LMO7: variants seen among roughly 807,000 people sequenced by gnomAD.
LMO7 encodes the protein LIM domain 7.
In LMO7, 120 loss-of-function variants were observed where a neutral mutation model predicts 206.5. That is an observed-to-expected ratio of 0.58 (90% CI 0.50 to 0.68). The LOEUF (loss-of-function observed/expected upper bound fraction) is 0.68. Among genes scored for constraint, LMO7 ranks in the 30% least tolerant of loss-of-function variants. The pLI is 0.00. For synonymous variants in LMO7, 706 were observed against 681.5 expected, an observed-to-expected ratio of 1.04 and a Z score of -0.56; for missense variants, 1,959 against 1,957.9, an observed-to-expected ratio of 1.00 and a Z score of -0.01.
In LMO7 at chr13:75,667,061, A is replaced by T. The variant is rs572758939; in HGVS notation, c.69+30335A>T. ...CAGTGATATTATAAATGGAGTGGAC[A>T]TTTTTTTTTCTTTGAGCAGTGGTTA... On this transcript the variant is annotated intron_variant, in intron 1 of 30. Coordinates refer to ENST00000377534, the MANE Select transcript of LMO7 (RefSeq NM_001306080.2). Among the ~76,000 whole-genome samples the T allele has an allele frequency of 1.5e-4, 23 of 151,498 alleles. No homozygotes were observed. The South Asian group carries it at 4.8e-3, about 32-fold the overall frequency.
intron 8 of LMO7, chr13:75,805,232 A>T (rs756817907): frequency 1.7e-6 from 2 of 1,163,440 alleles, no homozygotes; most frequent in Non-Finnish European, 2.2e-6. Flanking sequence ...ATTGTTTGTT[A>T]TGTGCCTCTT....
At chr13:75,754,352 G>T (rs1362669178) in intron 3 of LMO7, among the ~76,000 whole-genome samples, 1 of 152,072 alleles carries the variant, frequency 6.6e-6, no homozygotes, top group African/African-American at 2.4e-5. Context: ...CCTTTTTATG[G>T]CTGAGTGCTA....
At chr13:75,802,170 A>G (rs2054835592) in intron 7 of LMO7, among the ~76,000 whole-genome samples, 1 of 152,226 alleles carries the variant, frequency 6.6e-6, no homozygotes. Context: ...CCAATCAACA[A>G]TTTATTAAGC....
chr13:75,732,131 C>T lies in LMO7; in HGVS notation c.210+5033C>T, dbSNP rs527753541. Among the ~76,000 whole-genome samples the T allele has an allele frequency of 2.7e-3, 412 of 152,154 alleles. 3 individuals carry two copies. The highest frequency in any genetic ancestry group is 9.7e-3 in the African/African-American group (402 of 41,496). ...GAGTTGCTCTTCTCGAGGAGTATCT[C>T]TGTGGCGTCCTCTGTATTTCCTGAA... On this transcript the variant is annotated intron_variant, in intron 3 of 30. Coordinates refer to ENST00000377534, the MANE Select transcript of LMO7 (RefSeq NM_001306080.2).
At chr13:75,755,641 T>A (rs141441276) in intron 3 of LMO7, among the ~76,000 whole-genome samples, 34 of 152,322 alleles carry the variant, frequency 2.2e-4, no homozygotes, top group African/African-American at 6.7e-4. Context: ...AACTTACTAC[T>A]AGCTGGGCAT....
Position 75,841,743 on chromosome 13 carries a change from G to A in LMO7, c.3791G>A (p.Arg1264Gln), listed in dbSNP as rs775620229. ...AAGTCTTCAGACAGAGAAGGAACCC[G>A]AGCAGGAGAAGAGGAGAGGAGACAG... ...GSKSSDREGT[R>Q]AGEEERRQPQ... Residue 1264 changes from arginine to glutamine, a missense_variant, in exon 24 of 31, where the codon CGA (arginine) becomes CAA (glutamine). Coordinates refer to ENST00000377534, the MANE Select transcript of LMO7 (RefSeq NM_001306080.2). 2.6e-5 allele frequency: 42 copies of A among 1,613,940 alleles called. No homozygotes were observed. Among genetic ancestry groups the A allele is most frequent in the South Asian group, 4.4e-5 (4 of 91,068 alleles).
intron 1 of LMO7, among the ~76,000 whole-genome samples, chr13:75,683,551 T>A (rs910107629): frequency 2.0e-4 from 31 of 152,206 alleles, no homozygotes; most frequent in Non-Finnish European, 2.2e-4. Context: ...TCTCCAGTAC[T>A]TTTAAACCCA....
intron 1 of LMO7, among the ~76,000 whole-genome samples, chr13:75,710,285 C>T (rs1411574396): frequency 6.6e-6 from 1 of 152,116 alleles, no homozygotes; most frequent in Non-Finnish European, 1.5e-5. Context: ...AATGCAGGCC[C>T]TTTTTTGGTT....
At chr13:75,678,759 TTC>T (rs539405834) in intron 1 of LMO7, among the ~76,000 whole-genome samples, 1 of 152,348 alleles carries the variant, frequency 6.6e-6, no homozygotes, top group South Asian at 2.1e-4. Flanking sequence ...ATAATTTTTT[TTC>T]TGTTTGAAAT....
chr13:75,817,095 C>A (rs972006681), intron 11 of LMO7, 66 bp from the exon 12 acceptor site: 2 of 1,112,066 alleles, frequency 1.8e-6, no homozygotes, highest in Non-Finnish European at 1.3e-6. Context: ...TTAACTCCAA[C>A]CTCAGTTTAA....
intron 1 of LMO7, among the ~76,000 whole-genome samples, chr13:75,697,352 G>C (rs2041978829): frequency 1.3e-5 from 2 of 152,136 alleles, no homozygotes; most frequent in Non-Finnish European, 2.9e-5. Context: ...TGGCTGGGGA[G>C]GCCTCACAAT....
chr13:75,725,754 A>G (rs970630647), intron 2 of LMO7, among the ~76,000 whole-genome samples: 11 of 152,076 alleles, frequency 7.2e-5, no homozygotes, highest in African/African-American at 2.2e-4. Context: ...ATTATTAACT[A>G]TATTAACTAA....
intron 8 of LMO7, chr13:75,804,752 C>T: frequency 9.6e-7 from 1 of 1,046,572 alleles, no homozygotes. Flanking sequence ...TTTGCTAGGT[C>T]TTTTTTTAGA....
chr13:75,809,097 G>A lies in LMO7; in HGVS notation c.1917-57G>A. 3 of 1,353,706 alleles carry A rather than the reference G, an allele frequency of 2.2e-6. No homozygotes were observed. The Middle Eastern group carries it at 5.4e-4, about 244-fold the overall frequency. The allele number at this position is 1,353,706 out of a possible 1,614,324, so 83.9% of individuals were successfully genotyped here. The stretch of plus-strand genomic sequence containing the variant: ...TTAAGTGGAAGACATTGAACGTTTA[G>A]AAACTAATATGACTGGGAAAAATGA... On this transcript the variant is annotated intron_variant, in intron 10 of 30. Transcript: ENST00000377534.
Position 75,813,904 on chromosome 13 carries a change from G to C in LMO7, c.1947-3257G>C, listed in dbSNP as rs1166258257. On this transcript the variant is annotated intron_variant, in intron 11 of 30. Transcript: ENST00000377534. ...TGGAGTTTATGTAATCTCATGTGTTGAGTGTCTAGATACCCCTCATACCTG... is the reference window on the plus strand; with the variant it reads ...TGGAGTTTATGTAATCTCATGTGTTCAGTGTCTAGATACCCCTCATACCTG... Among the ~76,000 whole-genome samples, 4 of 152,152 alleles carry C rather than the reference G, an allele frequency of 2.6e-5. No homozygotes were observed. In the East Asian group the frequency reaches 7.7e-4, roughly 29 times the overall value.
In LMO7 at chr13:75,790,327, C is replaced by T. The variant is rs1408446873; in HGVS notation, c.318-5074C>T. On this transcript the variant is annotated intron_variant, in intron 4 of 30. Transcript: ENST00000377534. ...CTTTGATTAAGCATTTTTTAAATCT[C>T]TCACTAAAGCCCAGTGAGGCTGGTA... Among the ~76,000 whole-genome samples the T allele has an allele frequency of 1.3e-5, 2 of 152,132 alleles. 1 individual carries two copies. The highest frequency in any genetic ancestry group is 4.8e-5 in the African/African-American group (2 of 41,398).
At chr13:75,809,544 G>C (rs531232250) in intron 11 of LMO7, among the ~76,000 whole-genome samples, 1 of 152,204 alleles carries the variant, frequency 6.6e-6, no homozygotes, top group East Asian at 1.9e-4. Context: ...GGATGCTAAA[G>C]CCCAAATTAC....
chr13:75,760,272 A>G (rs187063448), intron 3 of LMO7: 3 of 773,084 alleles, frequency 3.9e-6, no homozygotes, highest in Admixed American at 1.2e-4. Flanking sequence ...ATAGGCTTTC[A>G]TATTTTTGGA....
intron 2 of LMO7, among the ~76,000 whole-genome samples, chr13:75,725,828 T>G (rs1394998121): frequency 1.3e-5 from 2 of 152,128 alleles, no homozygotes; most frequent in Non-Finnish European, 2.9e-5. Flanking sequence ...TTCACCAAAC[T>G]AGATCTTCAT....
Sources: gnomAD v4.1 joint callset for allele counts (sites outside exome capture counted in the v4.1 genomes callset) on GRCh38, gnomAD v4.1.1 for gene constraint, MANE v1.5 for transcripts, NCBI Gene and HGNC (gene_info 2026-07-23, HGNC 2026-07-21) for gene names.